The following MCF2L2 variants were observed in gnomAD, a reference collection of about 807,000 sequenced individuals.
The protein encoded by MCF2L2 is probable guanine nucleotide exchange factor MCF2L2.
Under a neutral mutation model 150.2 loss-of-function variants are expected in MCF2L2, and 102 were observed. The observed-to-expected ratio is 0.68, with a 90% confidence interval of 0.58 to 0.80. MCF2L2 has a LOEUF of 0.80. Among genes scored for constraint, MCF2L2 ranks in the 30% least tolerant of loss-of-function variants. The probability of loss-of-function intolerance (pLI) is 0.00; values close to 1 mark genes in which losing one functional copy is unlikely to be tolerated. For missense variants in MCF2L2, 1,256 were observed against 1,372.8 expected (o/e 0.91, Z 1.34); for synonymous variants, 465 against 491.3 (o/e 0.95, Z 0.71).
chr3:183,219,979 G>A, intron 20 of MCF2L2, 55 bp from the exon 21 acceptor site: 1 of 1,302,604 alleles, frequency 7.7e-7, no homozygotes, highest in Non-Finnish European at 1.1e-6. Flanking sequence ...CCATCAAAAT[G>A]TAGATTGTCA....
intron 13 of MCF2L2, among the ~76,000 whole-genome samples, chr3:183,290,462 T>C (rs1304570717): frequency 6.6e-6 from 1 of 152,186 alleles, no homozygotes; most frequent in African/African-American, 2.4e-5. Context: ...TCACCACCCT[T>C]GCATATGCTG....
chr3:183,382,546 A>C (rs1432867567), intron 2 of MCF2L2, among the ~76,000 whole-genome samples: 1 of 152,202 alleles, frequency 6.6e-6, no homozygotes, highest in Non-Finnish European at 1.5e-5. Context: ...ACAGAGCTGG[A>C]CTTAACTGTG....
chr3:183,291,596 T>A (rs954080674), intron 13 of MCF2L2, among the ~76,000 whole-genome samples: 19 of 152,192 alleles, frequency 1.2e-4, no homozygotes, highest in African/African-American at 4.1e-4. Flanking sequence ...CCTCCACACA[T>A]CTTCTTTATA....
chr3:183,382,958 A>G (rs973063478), intron 2 of MCF2L2, among the ~76,000 whole-genome samples: 21 of 152,162 alleles, frequency 1.4e-4, no homozygotes, highest in African/African-American at 5.1e-4. Context: ...TTTGCCTTCC[A>G]GTATCTATTT....
At chr3:183,364,055 GA>G (rs2108569542) in intron 3 of MCF2L2, among the ~76,000 whole-genome samples, 1 of 152,200 alleles carries the variant, frequency 6.6e-6, no homozygotes, top group South Asian at 2.1e-4. Flanking sequence ...TAATGACAAA[GA>G]AAACACTACA....
At chr3:183,313,680 A>T (rs1393807895) in intron 7 of MCF2L2, among the ~76,000 whole-genome samples, 3 of 152,134 alleles carry the variant, frequency 2.0e-5, no homozygotes, top group East Asian at 1.9e-4. Context: ...TGGGTATTTA[A>T]TTTTTTTACT....
intron 10 of MCF2L2, among the ~76,000 whole-genome samples, chr3:183,304,569 G>A (rs1213132900): frequency 6.8e-6 from 1 of 147,648 alleles, no homozygotes; most frequent in Non-Finnish European, 1.5e-5. Context: ...GGGTTCAAGC[G>A]ATTCTCCTCC....
At chr3:183,371,325 G>A (rs577211908) in intron 3 of MCF2L2, among the ~76,000 whole-genome samples, 2 of 152,254 alleles carry the variant, frequency 1.3e-5, no homozygotes, top group South Asian at 4.1e-4. Flanking sequence ...ATTTTAAGGA[G>A]ACGTGAGACA....
intron 15 of MCF2L2, among the ~76,000 whole-genome samples, chr3:183,264,393 T>C (rs1725907662): frequency 6.6e-6 from 1 of 152,254 alleles, no homozygotes; most frequent in East Asian, 1.9e-4. Context: ...GCAGACACAC[T>C]GTACCTTACC....
intron 20 of MCF2L2, 95 bp downstream of exon 20, chr3:183,223,251 G>A: frequency 1.1e-6 from 1 of 887,430 alleles, no homozygotes. Context: ...AGCCTTAGAA[G>A]ACCAAGGCAC....
intron 1 of MCF2L2, among the ~76,000 whole-genome samples, chr3:183,409,701 C>A (rs778206063): frequency 5.3e-5 from 8 of 151,770 alleles, no homozygotes; most frequent in Non-Finnish European, 8.8e-5. Flanking sequence ...ATTACAGGTG[C>A]CCATGACCAT....
intron 13 of MCF2L2, among the ~76,000 whole-genome samples, chr3:183,289,805 G>A (rs1461488877): frequency 6.6e-6 from 1 of 152,216 alleles, no homozygotes; most frequent in African/African-American, 2.4e-5. Context: ...GCGGTGAGCT[G>A]AGATTGCGCC....
chr3:183,390,044 C>T (rs1258906055), intron 1 of MCF2L2, among the ~76,000 whole-genome samples: 2 of 152,152 alleles, frequency 1.3e-5, no homozygotes, highest in African/African-American at 2.4e-5. Context: ...AAGGAAAGAA[C>T]CCTGAAGTTT....
intron 2 of MCF2L2, 145 bp downstream of exon 2, chr3:183,389,551 T>C: frequency 1.5e-6 from 1 of 648,130 alleles, no homozygotes; most frequent in South Asian, 1.9e-5. Context: ...TCTGGCAGGA[T>C]AGGCCTCAGC....
At position 183,197,192 on chromosome 3, in the gene MCF2L2, A is replaced by G. The variant is rs760340574; in HGVS notation, c.2885-1937T>C. Among the ~76,000 whole-genome samples the G allele has an allele frequency of 1.3e-5, 2 of 152,174 alleles. No individual in the cohort carries two copies. The highest frequency in any genetic ancestry group is 2.4e-5 in the African/African-American group (1 of 41,438). On this transcript the variant is annotated intron_variant, in intron 25 of 29. Transcript: ENST00000328913. The surrounding 1 kb of genome is among the most constrained non-coding windows in gnomAD (Gnocchi z 4.5). Reference sequence around the variant, plus strand: ...AAAACAACTTTAAAAAGGAAGAACAAAATTATAGGACTCTAACTACCTCAT... The same window carrying G: ...AAAACAACTTTAAAAAGGAAGAACAGAATTATAGGACTCTAACTACCTCAT...
chr3:183,205,818 C>G (rs1179914374), intron 25 of MCF2L2, 58 bp downstream of exon 25: 15 of 1,279,026 alleles, frequency 1.2e-5, no homozygotes, highest in Non-Finnish European at 1.7e-5. Context: ...TTTGCACATC[C>G]CCCACTGAGC....
At chr3:183,328,689 T>A (rs1441111415) in intron 5 of MCF2L2, among the ~76,000 whole-genome samples, 4 of 152,142 alleles carry the variant, frequency 2.6e-5, no homozygotes, top group African/African-American at 7.2e-5. Context: ...CTGGACTTCA[T>A]CCAAATTAAA....
chr3:183,350,515 T>A (rs1324283661), intron 3 of MCF2L2, among the ~76,000 whole-genome samples: 1 of 152,180 alleles, frequency 6.6e-6, no homozygotes, highest in African/African-American at 2.4e-5. Context: ...CTCTATGAGG[T>A]TGGTGATAAC....
At chr3:183,220,950 A>C (rs1723127466) in intron 20 of MCF2L2, among the ~76,000 whole-genome samples, 1 of 152,184 alleles carries the variant, frequency 6.6e-6, no homozygotes, top group Non-Finnish European at 1.5e-5. Context: ...GTCTGTCTTT[A>C]ATGGTATAAG....
Sources: allele counts gnomAD v4.1 joint callset (sites outside exome capture counted in the v4.1 genomes callset), GRCh38; gene constraint gnomAD v4.1.1; non-coding constraint Gnocchi (gnomAD v3.1); transcripts MANE v1.5; gene names NCBI Gene and HGNC (gene_info 2026-07-23, HGNC 2026-07-21).